The following RGL1 variants were observed in gnomAD, a reference collection of about 807,000 sequenced individuals.
The protein encoded by RGL1 is ral guanine nucleotide dissociation stimulator like 1.
Under a neutral mutation model 95.2 loss-of-function variants are expected in RGL1, and 24 were observed. The observed-to-expected ratio is 0.25, with a 90% CI of 0.18 to 0.35. The LOEUF is 0.35. RGL1 is among the 10% of genes least tolerant of loss of function. The probability of loss-of-function intolerance (pLI) is 1.00; values close to 1 mark genes in which losing one functional copy is unlikely to be tolerated. For missense variants in RGL1, 715 were observed against 936.3 expected, an observed-to-expected ratio of 0.76 and a Z score of 3.08; for synonymous variants, 329 against 344.9, an observed-to-expected ratio of 0.95 and a Z score of 0.51.
In RGL1 at chr1:183,777,684, A is replaced by G. The variant is rs771125614; in HGVS notation, c.133-28691A>G. ...AAGTTGCAGAATAACATTATACTCT[A>G]ATTCCCAACTGTTGCTCTATGGACT... On this transcript the variant is annotated intron_variant, in intron 2 of 18. Coordinates refer to the RGL1 transcript ENST00000304685. 6.6e-5 allele frequency among the ~76,000 whole-genome samples: 10 copies of G among 152,222 alleles called. No homozygotes were observed. The South Asian group carries it at 8.3e-4, about 13-fold the overall frequency.
rs563571983 is a variant in RGL1, at chr1:183,669,797, G to A, written c.-33+33296G>A. Among the ~76,000 whole-genome samples, 26 of 152,294 alleles carry A rather than the reference G, an allele frequency of 1.7e-4. No homozygotes were observed. In the South Asian group the frequency reaches 4.8e-3, roughly 28 times the overall value. ...GGAGGCCTCACAATCATGGCAGAAG[G>A]TGAAGGAGAAACAAAGGCACATCTT... On this transcript the variant is annotated intron_variant, in intron 1 of 18. Coordinates refer to the RGL1 transcript ENST00000304685.
chr1:183,742,904 A>G (rs1320778445), intron 2 of RGL1, among the ~76,000 whole-genome samples: 1 of 152,218 alleles, frequency 6.6e-6, no homozygotes, highest in East Asian at 1.9e-4. Context: ...GGAAGATTGG[A>G]AAAGAGAATG....
chr1:183,836,598 G>A (rs929715047), intron 2 of RGL1, among the ~76,000 whole-genome samples: 1 of 152,084 alleles, frequency 6.6e-6, no homozygotes, highest in African/African-American at 2.4e-5. Context: ...GGTATACTCA[G>A]GATACACGCA....
At chr1:183,758,847 G>T (rs376639096) in intron 2 of RGL1, among the ~76,000 whole-genome samples, 4 of 152,124 alleles carry the variant, frequency 2.6e-5, no homozygotes, top group Non-Finnish European at 5.9e-5. Flanking sequence ...TTTAAATGGT[G>T]CCCTTAACTC....
At chr1:183,885,984 C>T (rs1170577416) in intron 7 of RGL1, among the ~76,000 whole-genome samples, 1 of 151,268 alleles carries the variant, frequency 6.6e-6, no homozygotes, top group Non-Finnish European at 1.5e-5. Flanking sequence ...ATTACATCAG[C>T]AAAATAATGA....
chr1:183,785,885 G>C (rs145729999), intron 2 of RGL1, among the ~76,000 whole-genome samples: 3,433 of 152,214 alleles, frequency 0.023, 127 homozygotes, highest in African/African-American at 0.078. Flanking sequence ...AGGAGTTTGA[G>C]ACCAGCCTGG....
chr1:183,665,622 T>C (rs758504746), intron 1 of RGL1, among the ~76,000 whole-genome samples: 25 of 152,196 alleles, frequency 1.6e-4, no homozygotes, highest in Non-Finnish European at 1.5e-4. Context: ...GATTGTGTCT[T>C]TCAAGGAGTT....
intron 1 of RGL1, among the ~76,000 whole-genome samples, chr1:183,683,041 C>A (rs1398835131): frequency 1.3e-5 from 2 of 151,792 alleles, no homozygotes; most frequent in Admixed American, 1.3e-4. Flanking sequence ...TTTCTCCATC[C>A]CTTTATTTTG....
intron 1 of RGL1, chr1:183,648,671 T>A: frequency 6.2e-7 from 1 of 1,614,220 alleles, no homozygotes; most frequent in Non-Finnish European, 8.5e-7. Context: ...CTTCTTCACC[T>A]GTTCGAATAT....
chr1:183,658,464 G>A (rs938385691), intron 1 of RGL1, among the ~76,000 whole-genome samples: 11 of 152,158 alleles, frequency 7.2e-5, no homozygotes, highest in African/African-American at 2.7e-4. Context: ...TGCTAGCACA[G>A]CAGTCTGAGA....
At chr1:183,695,792 A>T (rs1166241602) in intron 1 of RGL1, among the ~76,000 whole-genome samples, 1 of 152,234 alleles carries the variant, frequency 6.6e-6, no homozygotes, top group Admixed American at 6.5e-5. Context: ...GCTATTTATG[A>T]ACACAAGTAT....
At chr1:183,752,460 T>C (rs10127868) in intron 2 of RGL1, among the ~76,000 whole-genome samples, 67,631 of 151,874 alleles carry the variant, frequency 0.45, 16,095 homozygotes, top group East Asian at 0.8. Context: ...CTCTTGACCT[T>C]GTGATCCGCC....
intron 1 of RGL1, among the ~76,000 whole-genome samples, chr1:183,657,289 T>A (rs965515822): frequency 4.6e-5 from 7 of 152,320 alleles, no homozygotes; most frequent in East Asian, 1.9e-4. Context: ...CTTTCTTTTT[T>A]AAAAAATTTT....
intron 1 of RGL1, among the ~76,000 whole-genome samples, chr1:183,675,592 A>T (rs1286218229): frequency 2.6e-5 from 4 of 152,212 alleles, no homozygotes; most frequent in African/African-American, 9.7e-5. Context: ...TTTCCAATCT[A>T]GTCACAGCCC....
chr1:183,690,565 A>G (rs1653881803), intron 1 of RGL1, among the ~76,000 whole-genome samples: 1 of 152,154 alleles, frequency 6.6e-6, no homozygotes, highest in Non-Finnish European at 1.5e-5. Flanking sequence ...GCTGATTGTC[A>G]AAAGAGATCA....
intron 7 of RGL1, among the ~76,000 whole-genome samples, chr1:183,886,666 T>C (rs975252197): frequency 3.3e-5 from 5 of 152,176 alleles, no homozygotes; most frequent in Admixed American, 6.5e-5. Flanking sequence ...TTTGGTGATA[T>C]CACTTCCTAA....
intron 2 of RGL1, among the ~76,000 whole-genome samples, chr1:183,796,196 C>T (rs182317487): frequency 1.9e-3 from 268 of 141,592 alleles, no homozygotes; most frequent in African/African-American, 6.4e-3. Context: ...GATGGAGTCT[C>T]GCTCTGCCAC....
chr1:183,706,933 G>A (rs1249343457), intron 1 of RGL1, among the ~76,000 whole-genome samples: 3 of 152,164 alleles, frequency 2.0e-5, no homozygotes, highest in Non-Finnish European at 4.4e-5. Flanking sequence ...GGTTCCTTCT[G>A]GGCTGTCTGG....
chr1:183,699,577 G>C (rs748656723), intron 1 of RGL1, among the ~76,000 whole-genome samples: 8 of 152,038 alleles, frequency 5.3e-5, no homozygotes, highest in Non-Finnish European at 1.0e-4. Context: ...GCCTAGTCTG[G>C]TTTTCTTTAT....
Sources: allele counts gnomAD v4.1 joint callset (sites outside exome capture counted in the v4.1 genomes callset), GRCh38; gene constraint gnomAD v4.1.1; transcripts MANE v1.5; gene names NCBI Gene and HGNC (gene_info 2026-07-23, HGNC 2026-07-21).